The following CPXM2 variants were observed in gnomAD, a reference collection of about 807,000 sequenced individuals.
CPXM2 encodes the protein inactive carboxypeptidase-like protein X2.
Under a neutral mutation model 86.1 loss-of-function variants are expected in CPXM2, and 66 were observed. The ratio of observed to expected loss-of-function variants is 0.77; its 90% CI spans 0.63 to 0.94. CPXM2 has a LOEUF of 0.94. Among genes scored for constraint, CPXM2 ranks in the 40% least tolerant of loss-of-function variants. CPXM2 has a pLI of 0.00. For missense variants in CPXM2, 948 were observed against 1,026.3 expected (o/e 0.92, Z 1.04); for synonymous variants, 388 against 400.2 (o/e 0.97, Z 0.36).
chr10:123,886,290 A>G (rs201357552), intron 1 of CPXM2, among the ~76,000 whole-genome samples: 1 of 144,268 alleles, frequency 6.9e-6, no homozygotes, highest in Admixed American at 6.9e-5. Flanking sequence ...ATCCTTACAC[A>G]CTCCCATTTT....
intron 2 of CPXM2, among the ~76,000 whole-genome samples, chr10:123,900,723 A>T (rs1027913269): frequency 6.6e-6 from 1 of 152,258 alleles, no homozygotes; most frequent in African/African-American, 2.4e-5. Flanking sequence ...AAAGATTATG[A>T]GTCCAATGAA....
chr10:123,929,415 C>T (rs1036668073), intron 2 of CPXM2, among the ~76,000 whole-genome samples: 4 of 152,206 alleles, frequency 2.6e-5, no homozygotes, highest in African/African-American at 9.7e-5. Context: ...CTTTATGGGC[C>T]AGAGTCCCTC....
intron 1 of CPXM2, among the ~76,000 whole-genome samples, chr10:123,886,701 C>A (rs1404732013): frequency 6.6e-6 from 1 of 152,160 alleles, no homozygotes; most frequent in African/African-American, 2.4e-5. Context: ...CATATCCAAG[C>A]CTACTTCTAA....
intron 2 of CPXM2, among the ~76,000 whole-genome samples, chr10:123,938,249 A>G (rs1023550078): frequency 1.3e-5 from 2 of 152,202 alleles, no homozygotes; most frequent in African/African-American, 4.8e-5. Context: ...AATTCTGACA[A>G]GCTCCTGGAT....
intron 6 of CPXM2, among the ~76,000 whole-genome samples, chr10:123,793,529 A>ATGTCC (rs1309358220): frequency 6.6e-6 from 1 of 151,134 alleles, no homozygotes; most frequent in African/African-American, 2.4e-5. Flanking sequence ...GCCAAAGCTC[A>ATGTCC]TGTCCCTTCT....
In CPXM2 at chr10:123,891,249, C is replaced by T. The variant is rs1032064127; in HGVS notation, c.304+107G>A. 11 of 970,014 alleles carry T rather than the reference C, an allele frequency of 1.1e-5. No individual in the cohort carries two copies. The African/African-American group carries it at 1.5e-4, about 14-fold the overall frequency. The allele number at this position is 970,014 out of a possible 1,614,324, so 60.1% of individuals were successfully genotyped here. ...GCAGAGGCGGCAACAGGGAGATTCC[C>T]GGGACTGGCCCATCCCAGACACACA... On this transcript the variant is annotated intron_variant, in intron 1 of 13. Coordinates refer to ENST00000241305, the MANE Select transcript of CPXM2 (RefSeq NM_198148.3). The surrounding 1 kb of genome is among the most constrained non-coding windows in gnomAD (Gnocchi z 5.6).
intron 12 of CPXM2, among the ~76,000 whole-genome samples, chr10:123,755,010 G>A (rs1445335824): frequency 6.6e-6 from 1 of 152,234 alleles, no homozygotes; most frequent in Non-Finnish European, 1.5e-5. Flanking sequence ...CATTAGGGAA[G>A]CATCCTGCTT....
chr10:123,799,235 T>G (rs1233665666), intron 4 of CPXM2, 36 bp from the exon 5 acceptor site: 1 of 1,610,348 alleles, frequency 6.2e-7, no homozygotes, highest in Admixed American at 1.7e-5. Flanking sequence ...GACTACACAC[T>G]TTAAAATGTT....
Position 123,801,563 on chromosome 10 carries a change from C to T in CPXM2, c.654-2364G>A, listed in dbSNP as rs1590016841. 2.6e-5 allele frequency among the ~76,000 whole-genome samples: 4 copies of T among 152,200 alleles called. No individual in the cohort carries two copies. The South Asian group carries it at 8.3e-4, about 32-fold the overall frequency. ...CACCCCAGTTCACTCTCTCAGGCCC[C>T]CTGGCATCTAAATTGCTCCCCCATC... On this transcript the variant is annotated intron_variant, in intron 4 of 13. Transcript: ENST00000241305.
At chr10:123,877,024 CA>C (rs1189711747) in intron 2 of CPXM2, among the ~76,000 whole-genome samples, 7 of 152,124 alleles carry the variant, frequency 4.6e-5, no homozygotes, top group African/African-American at 1.7e-4. Context: ...GATGCTTGTC[CA>C]ATTCCCTATA....
At chr10:123,829,095 G>A (rs1246250566) in intron 4 of CPXM2, among the ~76,000 whole-genome samples, 1 of 152,188 alleles carries the variant, frequency 6.6e-6, no homozygotes, top group African/African-American at 2.4e-5. Flanking sequence ...AGGATATCTA[G>A]ATGGCAAATA....
Position 123,888,935 on chromosome 10 carries a change from G to A in CPXM2, c.304+2421C>T, listed in dbSNP as rs756377590. Among the ~76,000 whole-genome samples the A allele has an allele frequency of 9.2e-5, 14 of 152,236 alleles. No homozygotes were observed. In the East Asian group the frequency reaches 1.9e-3, roughly 21 times the overall value. On this transcript the variant is annotated intron_variant, in intron 1 of 13. Coordinates refer to ENST00000241305, the MANE Select transcript of CPXM2 (RefSeq NM_198148.3). ...AGATCCCGGTGGATGCCAGGGCTGC[G>A]GTGAACTGGGCAATGTGTCCTGCAG...
upstream of CPXM2, among the ~76,000 whole-genome samples, chr10:123,942,772 CT>C: frequency 6.6e-6 from 1 of 152,330 alleles, no homozygotes; most frequent in East Asian, 1.9e-4. Flanking sequence ...TATAAAGTTG[CT>C]TTCACTTTAC....
chr10:123,874,373 G>A (rs878952447), intron 2 of CPXM2, among the ~76,000 whole-genome samples: 10 of 143,520 alleles, frequency 7.0e-5, no homozygotes, highest in East Asian at 2.0e-4. Context: ...ACCACCCCCC[G>A]CCCCAACCAC....
intron 2 of CPXM2, among the ~76,000 whole-genome samples, chr10:123,912,782 A>G (rs1378711531): frequency 2.0e-5 from 3 of 152,210 alleles, no homozygotes; most frequent in Non-Finnish European, 2.9e-5. Context: ...AATTTATTTT[A>G]TCAAACAACC....
chr10:123,942,433 G>A (rs868286590), upstream of CPXM2, among the ~76,000 whole-genome samples: 2 of 152,178 alleles, frequency 1.3e-5, no homozygotes, highest in South Asian at 2.1e-4. Context: ...AGAAGCCAAC[G>A]AAAATCAAGA....
intron 3 of CPXM2, among the ~76,000 whole-genome samples, chr10:123,850,328 A>G (rs1324849622): frequency 6.6e-6 from 1 of 152,234 alleles, no homozygotes; most frequent in African/African-American, 2.4e-5. Flanking sequence ...AATAAATACA[A>G]TAGTCCCCCG....
intron 4 of CPXM2, among the ~76,000 whole-genome samples, chr10:123,827,648 C>T (rs978918727): frequency 1.3e-5 from 2 of 152,188 alleles, no homozygotes; most frequent in African/African-American, 4.8e-5. Context: ...TACAAATGTA[C>T]ACACAGCTTT....
chr10:123,756,641 T>C (rs1846219370), intron 12 of CPXM2, among the ~76,000 whole-genome samples: 1 of 151,634 alleles, frequency 6.6e-6, no homozygotes, highest in Non-Finnish European at 1.5e-5. Context: ...TGTGACTATG[T>C]ACAGACGGAG....
Sources: allele counts gnomAD v4.1 joint callset (sites outside exome capture counted in the v4.1 genomes callset), GRCh38; gene constraint gnomAD v4.1.1; non-coding constraint Gnocchi (gnomAD v3.1); transcripts MANE v1.5; gene names NCBI Gene and HGNC (gene_info 2026-07-23, HGNC 2026-07-21).